Variants in TPTE observed in about 807,000 individuals in gnomAD.
TPTE encodes the protein putative tyrosine-protein phosphatase TPTE.
Under a neutral mutation model 84.1 loss-of-function variants are expected in TPTE, and 59 were observed. That is an observed-to-expected ratio of 0.70 (90% CI 0.57 to 0.87). The LOEUF is 0.87. Ranked by LOEUF, TPTE falls within the 40% of genes least tolerant of loss-of-function variation. The pLI is 0.00. For synonymous variants in TPTE, 130 were observed against 223.5 expected (o/e 0.58, Z 3.73); for missense variants, 382 against 659.6 (o/e 0.58, Z 4.61).
chr21:10,571,180 A>T (rs2075035449), intron 14 of TPTE, among the ~76,000 whole-genome samples: 1 of 152,310 alleles, frequency 6.6e-6, no homozygotes, highest in Non-Finnish European at 1.5e-5. Context: ...TCTCACAACA[A>T]GAAAAGCCAT....
intron 6 of TPTE, 63 bp downstream of exon 6, chr21:10,542,511 G>A (rs2074388001): frequency 1.3e-6 from 2 of 1,587,206 alleles, no homozygotes; most frequent in Non-Finnish European, 1.7e-6. Flanking sequence ...TACACACACA[G>A]GCACATGAGC....
At chr21:10,532,142 C>T (rs1445560320) in intron 3 of TPTE, among the ~76,000 whole-genome samples, 3 of 152,294 alleles carry the variant, frequency 2.0e-5, no homozygotes, top group Non-Finnish European at 4.4e-5. Flanking sequence ...CTATGTGGGC[C>T]CTGTGGTGTT....
Position 10,598,062 on chromosome 21 carries a change from G to T in TPTE, c.1324G>T (p.Val442Phe). Residue 442 changes from valine to phenylalanine, a missense_variant, in exon 21 of 24, where the codon GTC (valine) becomes TTC (phenylalanine). Coordinates refer to ENST00000618007, the MANE Select transcript of TPTE (RefSeq NM_199261.4). ...CCAAATAGAAATGGAGAAAAAGGTT[G>T]TCTTTTCCACTATTTCATTAGGAAA... ...KIQIEMEKKV[V>F]FSTISLGKCS... The T allele has an allele frequency of 6.2e-7, 1 of 1,613,828 alleles. No individual in the cohort carries two copies. The highest frequency in any genetic ancestry group is 8.5e-7 in the Non-Finnish European group (1 of 1,179,744).
At chr21:10,551,894 T>G (rs2074582690) in intron 7 of TPTE, among the ~76,000 whole-genome samples, 1 of 152,312 alleles carries the variant, frequency 6.6e-6, no homozygotes, top group African/African-American at 2.4e-5. Flanking sequence ...CAAAAACAAG[T>G]AATGAGATTG....
At chr21:10,579,365 C>G (rs2075229156) in intron 17 of TPTE, among the ~76,000 whole-genome samples, 1 of 152,312 alleles carries the variant, frequency 6.6e-6, no homozygotes, top group Non-Finnish European at 1.5e-5. Context: ...TGGCATGCAC[C>G]TGTAATCCCA....
At chr21:10,602,033 C>T (rs1310369587) in intron 21 of TPTE, 25 bp from the exon 22 acceptor site, 1 of 1,601,506 alleles carries the variant, frequency 6.2e-7, no homozygotes, top group Admixed American at 1.7e-5. Context: ...GTTTATAGTT[C>T]TCAATTCCAT....
chr21:10,596,856 G>T (rs1439238904), intron 20 of TPTE, among the ~76,000 whole-genome samples: 3 of 152,306 alleles, frequency 2.0e-5, no homozygotes, highest in Admixed American at 6.5e-5. Context: ...ACTGATTTCT[G>T]GTAGACATCA....
At chr21:10,533,649 T>C (rs921438585) in intron 3 of TPTE, among the ~76,000 whole-genome samples, 1 of 152,310 alleles carries the variant, frequency 6.6e-6, no homozygotes, top group African/African-American at 2.4e-5. Context: ...TGGGCAGGAA[T>C]TATATAGTCA....
At chr21:10,546,499 T>C (rs929572903) in intron 7 of TPTE, among the ~76,000 whole-genome samples, 2 of 152,424 alleles carry the variant, frequency 1.3e-5, no homozygotes, top group African/African-American at 4.8e-5. Context: ...CTAGAAATGA[T>C]TGTGAGGAAG....
intron 14 of TPTE, among the ~76,000 whole-genome samples, chr21:10,572,609 AG>A: frequency 6.6e-6 from 1 of 151,668 alleles, no homozygotes; most frequent in Non-Finnish European, 1.5e-5. Flanking sequence ...AAAGTACCGA[AG>A]GAAAAAAAAA....
chr21:10,540,698 A>C (rs746773920), intron 4 of TPTE: 1 of 519,378 alleles, frequency 1.9e-6, no homozygotes, highest in Non-Finnish European at 3.8e-6. Context: ...GCCTCCAGCT[A>C]CTTGGCCGCA....
At chr21:10,568,441 TAA>T (rs1161433326) in intron 11 of TPTE, among the ~76,000 whole-genome samples, 1 of 152,312 alleles carries the variant, frequency 6.6e-6, no homozygotes, top group Non-Finnish European at 1.5e-5. Flanking sequence ...ATTGGGAAAC[TAA>T]AGAGTATATG....
At chr21:10,573,374 A>G (rs539912688) in intron 14 of TPTE, among the ~76,000 whole-genome samples, 9 of 152,404 alleles carry the variant, frequency 5.9e-5, no homozygotes, top group African/African-American at 1.9e-4. Context: ...AAAGGGAAAG[A>G]TAGACTCCAA....
At chr21:10,594,407 G>T (rs1450531410) in intron 19 of TPTE, among the ~76,000 whole-genome samples, 3 of 152,306 alleles carry the variant, frequency 2.0e-5, no homozygotes, top group African/African-American at 7.2e-5. Context: ...TAAAGGCAAA[G>T]CCCGTGGCTT....
intron 8 of TPTE, among the ~76,000 whole-genome samples, chr21:10,555,794 G>A (rs985257112): frequency 6.6e-6 from 1 of 152,300 alleles, no homozygotes; most frequent in African/African-American, 2.4e-5. Flanking sequence ...CCCATTTCTA[G>A]TCTATCAATG....
chr21:10,593,704 A>G (rs2075528300), intron 19 of TPTE, among the ~76,000 whole-genome samples: 1 of 152,298 alleles, frequency 6.6e-6, no homozygotes, highest in African/African-American at 2.4e-5. Context: ...ACTGAAATCT[A>G]GATGTCAGTC....
chr21:10,547,229 A>G (rs1160003539), intron 7 of TPTE, among the ~76,000 whole-genome samples: 1 of 151,870 alleles, frequency 6.6e-6, no homozygotes, highest in East Asian at 1.9e-4. Flanking sequence ...CCTACAAGAA[A>G]GAACCGAGGC....
intron 17 of TPTE, among the ~76,000 whole-genome samples, chr21:10,579,633 C>G (rs189805314): frequency 1.3e-3 from 195 of 152,090 alleles, no homozygotes; most frequent in African/African-American, 4.4e-3. Flanking sequence ...GCAAGACATG[C>G]AGTATTTGTC....
chr21:10,580,335 C>T (rs1225960748), intron 17 of TPTE, among the ~76,000 whole-genome samples: 2 of 152,300 alleles, frequency 1.3e-5, no homozygotes, highest in Non-Finnish European at 2.9e-5. Context: ...ATCTCCTTTG[C>T]TGTGCAAAAG....
Sources: gnomAD v4.1 joint callset for allele counts (sites outside exome capture counted in the v4.1 genomes callset) on GRCh38, gnomAD v4.1.1 for gene constraint, MANE v1.5 for transcripts, NCBI Gene and HGNC (gene_info 2026-07-23, HGNC 2026-07-21) for gene names.